The following RGL1 variants were observed in gnomAD, a reference collection of about 807,000 sequenced individuals.
RGL1 encodes the protein ral guanine nucleotide dissociation stimulator like 1.
In RGL1, 24 loss-of-function variants were observed where a neutral mutation model predicts 95.2. That is an observed-to-expected ratio of 0.25 (90% CI 0.18 to 0.35). The LOEUF is 0.35. Ranked by LOEUF, RGL1 falls within the 10% of genes least tolerant of loss-of-function variation. RGL1 has a pLI of 1.00. For synonymous variants in RGL1, 329 were observed against 344.9 expected, an observed-to-expected ratio of 0.95 and a Z score of 0.51; for missense variants, 715 against 936.3, an observed-to-expected ratio of 0.76 and a Z score of 3.08.
At chr1:183,755,901 G>A (rs901562763) in intron 2 of RGL1, among the ~76,000 whole-genome samples, 1 of 113,490 alleles carries the variant, frequency 8.8e-6, no homozygotes, top group African/African-American at 3.3e-5. Context: ...TTTTTTTTTT[G>A]ACACAGAGTT....
intron 2 of RGL1, chr1:183,754,902 C>T (rs1658237828): frequency 6.6e-6 from 1 of 152,220 alleles, no homozygotes; most frequent in Non-Finnish European, 1.5e-5. Context: ...GTGGGTTCTG[C>T]TTTCATTTAC....
rs1231277100 is a variant in RGL1 at position 183,916,743 on chromosome 1, AT to A, written c.2004+44del. The A allele has an allele frequency of 2.5e-6, 4 of 1,593,344 alleles. No individual in the cohort carries two copies. The African/African-American group carries it at 4.0e-5, about 16-fold the overall frequency. On this transcript the variant is annotated intron_variant, in intron 16 of 17. Transcript: ENST00000360851. Reference sequence around the variant, plus strand: ...GACCCAGGAGCGGGTTTCCATTTAGATTGTGTGTCTGTGTCTGTCGGCCGCT... The same window carrying A: ...GACCCAGGAGCGGGTTTCCATTTAGATGTGTGTCTGTGTCTGTCGGCCGCT...
At chr1:183,823,348 TTAAA>T (rs1258626630) in intron 2 of RGL1, among the ~76,000 whole-genome samples, 1 of 152,040 alleles carries the variant, frequency 6.6e-6, no homozygotes, top group Non-Finnish European at 1.5e-5. Flanking sequence ...ATTTAAAAAA[TTAAA>T]TATAGAAAAT....
intron 2 of RGL1, among the ~76,000 whole-genome samples, chr1:183,809,305 ATG>A (rs2102422612): frequency 6.6e-6 from 1 of 152,336 alleles, no homozygotes; most frequent in South Asian, 2.1e-4. Context: ...ATATCCTCAG[ATG>A]TGAAGTATTA....
intron 3 of RGL1, among the ~76,000 whole-genome samples, chr1:183,850,548 A>G (rs1664770930): frequency 6.6e-6 from 1 of 152,204 alleles, no homozygotes; most frequent in African/African-American, 2.4e-5. Context: ...AAGAATACTC[A>G]CAAAATGTCT....
chr1:183,721,300 A>G (rs1017483457), intron 1 of RGL1, among the ~76,000 whole-genome samples: 1 of 151,854 alleles, frequency 6.6e-6, no homozygotes, highest in African/African-American at 2.4e-5. Flanking sequence ...AATCCATTCC[A>G]CCCTTGTCAT....
chr1:183,757,033 TTG>T (rs1558190577), intron 2 of RGL1, among the ~76,000 whole-genome samples: 1 of 151,826 alleles, frequency 6.6e-6, no homozygotes, highest in Non-Finnish European at 1.5e-5. Flanking sequence ...TTTTTTTTTT[TTG>T]TATTGCTGAT....
intron 2 of RGL1, among the ~76,000 whole-genome samples, chr1:183,837,704 C>G (rs541021959): frequency 6.6e-6 from 1 of 152,176 alleles, no homozygotes; most frequent in African/African-American, 2.4e-5. Flanking sequence ...TAATTCATAA[C>G]GCCTTAGTTC....
At chr1:183,755,458 A>G (rs1658265545) in intron 2 of RGL1, among the ~76,000 whole-genome samples, 1 of 152,162 alleles carries the variant, frequency 6.6e-6, no homozygotes, top group Non-Finnish European at 1.5e-5. Flanking sequence ...GTAGAAAATA[A>G]TGAAATCTTT....
chr1:183,715,076 G>A (rs1352814724), intron 1 of RGL1, among the ~76,000 whole-genome samples: 2 of 152,100 alleles, frequency 1.3e-5, no homozygotes, highest in African/African-American at 4.8e-5. Flanking sequence ...AGAAAGGTTA[G>A]GAAACTTTTT....
chr1:183,747,512 G>A (rs1261306209), intron 2 of RGL1, among the ~76,000 whole-genome samples: 1 of 152,154 alleles, frequency 6.6e-6, no homozygotes, highest in Non-Finnish European at 1.5e-5. Context: ...ATTTATTTAG[G>A]TTCCTTGTAG....
chr1:183,648,678 A>AAT, intron 1 of RGL1: 2 of 1,614,212 alleles, frequency 1.2e-6, no homozygotes, highest in Middle Eastern at 1.6e-4. Context: ...ACCTGTTCGA[A>AAT]TATGGTAAGG....
intron 2 of RGL1, among the ~76,000 whole-genome samples, chr1:183,808,728 G>A (rs1661505099): frequency 6.6e-6 from 1 of 151,946 alleles, no homozygotes; most frequent in South Asian, 2.1e-4. Context: ...AACCTTCTGA[G>A]GAAGGTGGTG....
At chr1:183,729,323 A>G (rs1656495521) in intron 1 of RGL1, among the ~76,000 whole-genome samples, 1 of 152,274 alleles carries the variant, frequency 6.6e-6, no homozygotes, top group East Asian at 1.9e-4. Flanking sequence ...AACTTTACCA[A>G]AGAAGATACA....
chr1:183,916,851 C>A, intron 16 of RGL1, 150 bp downstream of exon 16: 2 of 836,856 alleles, frequency 2.4e-6, no homozygotes, highest in Non-Finnish European at 3.6e-6. Context: ...GTGTCAGTTC[C>A]AGGTCTCCCT....
At chr1:183,712,445 G>A (rs894498966) in intron 1 of RGL1, among the ~76,000 whole-genome samples, 2 of 152,164 alleles carry the variant, frequency 1.3e-5, no homozygotes, top group African/African-American at 4.8e-5. Context: ...GGAACTCTTC[G>A]TGTGTGCTTG....
Position 183,647,901 on chromosome 1 carries a change from A to T in RGL1, c.-33+11400A>T. 10 of 1,614,184 alleles carry T rather than the reference A, an allele frequency of 6.2e-6. No individual in the cohort carries two copies. Among genetic ancestry groups the T allele is most frequent in the Non-Finnish European group, 8.5e-6 (10 of 1,180,038 alleles). On this transcript the variant is annotated intron_variant, in intron 1 of 18. Transcript: ENST00000304685. ...TGGTAAGTCCCTGAGAGGCACTAGCACAAAAACAACAGGAGCCCTGAGGTC... is the reference window on the plus strand; with the variant it reads ...TGGTAAGTCCCTGAGAGGCACTAGCTCAAAAACAACAGGAGCCCTGAGGTC...
intron 1 of RGL1, among the ~76,000 whole-genome samples, chr1:183,645,756 C>A (rs898113138): frequency 2.0e-5 from 3 of 152,214 alleles, no homozygotes; most frequent in African/African-American, 7.2e-5. Flanking sequence ...AACTAGCCCA[C>A]ATTTCTTGTT....
chr1:183,762,289 T>TG (rs1658711537), intron 2 of RGL1, among the ~76,000 whole-genome samples: 1 of 152,198 alleles, frequency 6.6e-6, no homozygotes, highest in African/African-American at 2.4e-5. Context: ...GATGTGTAAC[T>TG]CTTCCTTTCA....
Sources: gnomAD v4.1 joint callset for allele counts (sites outside exome capture counted in the v4.1 genomes callset) on GRCh38, gnomAD v4.1.1 for gene constraint, MANE v1.5 for transcripts, NCBI Gene and HGNC (gene_info 2026-07-23, HGNC 2026-07-21) for gene names.